The following SLC43A2 variants were observed in gnomAD, a reference collection of about 807,000 sequenced individuals.
SLC43A2 encodes solute carrier family 43 member 2, also known as large neutral amino acids transporter small subunit 4.
A neutral mutation model predicts 63.2 loss-of-function variants in SLC43A2; 38 were observed. The ratio of observed to expected loss-of-function variants is 0.60; its 90% CI spans 0.46 to 0.79. The LOEUF is 0.79. Ranked by LOEUF, SLC43A2 falls within the 30% of genes least tolerant of loss-of-function variation. SLC43A2 has a pLI of 0.00. For synonymous variants in SLC43A2, 322 were observed against 331.0 expected (o/e 0.97, Z 0.30); for missense variants, 644 against 756.2 (o/e 0.85, Z 1.74).
chr17:1,591,937 G>A (rs76141883), intron 6 of SLC43A2, among the ~76,000 whole-genome samples: 7 of 152,310 alleles, frequency 4.6e-5, no homozygotes, highest in Non-Finnish European at 7.3e-5. Context: ...CCCCCGACTC[G>A]GAGGCCTTCC....
At position 1,627,885 on chromosome 17, in the gene SLC43A2, G is replaced by GGT; in HGVS notation, c.-12_-11insAC. On this transcript the variant is annotated 5_prime_UTR_variant, in exon 2 of 14. Coordinates refer to ENST00000301335, the MANE Select transcript of SLC43A2 (RefSeq NM_152346.3). ...CAGGGTGGGCGCCATGGTGCGGCGC[G>GGT]GCGCGGCTCCGGCTCCGGCTCCGGC... 6.4e-7 allele frequency: 1 copy of GGT among 1,550,554 alleles called. No homozygotes were observed. Among genetic ancestry groups the GGT allele is most frequent in the South Asian group, 1.2e-5 (1 of 84,122 alleles).
chr17:1,591,735 G>GGGGGGGGT, intron 6 of SLC43A2, 36 bp from the exon 7 acceptor site: 1 of 652,928 alleles, frequency 1.5e-6, no homozygotes, highest in Non-Finnish European at 2.5e-6. Context: ...GGGGGGGGGA[G>GGGGGGGGT]GGGGCAGAGT....
chr17:1,587,032 G>C, intron 9 of SLC43A2: 1 of 1,458,118 alleles, frequency 6.9e-7, no homozygotes, highest in Non-Finnish European at 9.2e-7. Context: ...GTGCTACAGA[G>C]AGATGGGAGA....
In SLC43A2 at chr17:1,575,604, C is replaced by T. The variant is rs774859215; in HGVS notation, c.1710G>A (p.Ter570=). ...NGSSNQEAFV[*] ...GACCGCAGTTCCGAGGCGGCAGCCA[C>T]TACACGAAGGCCTCCTGGTTGGACG... Residue 570 remains the stop codon, a stop_retained_variant, in exon 14 of 14, where the codon TAG becomes TAA. Transcript: ENST00000301335. 6.2e-7 allele frequency: 1 copy of T among 1,614,028 alleles called. No homozygotes were observed. Among genetic ancestry groups the T allele is most frequent in the South Asian group, 1.1e-5 (1 of 91,086 alleles).
At chr17:1,591,729 G>GGGGGGGGGGA in intron 6 of SLC43A2, 30 bp from the exon 7 acceptor site, 2 of 854,772 alleles carry the variant, frequency 2.3e-6, no homozygotes, top group Admixed American at 4.7e-5. Flanking sequence ...CGGGGTGGGG[G>GGGGGGGGGGA]GGGGAGGGGG....
rs2076049644 is a variant in SLC43A2, at chr17:1,583,303, C to T, written c.1251G>A (p.Gln417=). The T allele has an allele frequency of 1.2e-6, 2 of 1,614,076 alleles. No homozygotes were observed. The highest frequency in any genetic ancestry group is 2.7e-5 in the African/African-American group (2 of 74,942). The change falls in exon 11 of 14, where the codon CAG becomes CAA. Residue 417 remains glutamine (Q), a synonymous_variant. Coordinates refer to ENST00000301335, the MANE Select transcript of SLC43A2 (RefSeq NM_152346.3). This position sits in a 1 kb window ranked among gnomAD's most constrained non-coding sequence, Gnocchi z 5.5. The part of the protein sequence containing the change: ...GEKKKKKRDR[Q]IQKITNAMRA... ...GCATGGCATTAGTGATCTTCTGGAT[C>T]TGCCGGTCCCGCTTCTTCTTTTTCT...
chr17:1,591,205 G>A (rs1356509099), intron 8 of SLC43A2, 64 bp downstream of exon 8: 1 of 1,565,620 alleles, frequency 6.4e-7, no homozygotes, highest in Non-Finnish European at 8.6e-7. Context: ...AGGTGGGAAT[G>A]GGGTGAGCCG....
chr17:1,606,942 T>C lies in SLC43A2; in HGVS notation c.501+6253A>G, dbSNP rs2151066497. Among the ~76,000 whole-genome samples the C allele has an allele frequency of 6.6e-6, 1 of 152,324 alleles. No individual in the cohort carries two copies. The highest frequency in any genetic ancestry group is 1.5e-5 in the Non-Finnish European group (1 of 68,010). ...AAATACCACCATGGGTGCCGACCTC[T>C]TGGGCTCTGGAAGGATGGCTCATGG... is the stretch of plus-strand genomic sequence containing the variant. On this transcript the variant is annotated intron_variant, in intron 5 of 13. Transcript: ENST00000301335. The surrounding 1 kb of genome is among the most constrained non-coding windows in gnomAD (Gnocchi z 4.7).
chr17:1,591,038 A>C, intron 8 of SLC43A2, 90 bp from the exon 9 acceptor site: 12 of 1,436,178 alleles, frequency 8.4e-6, no homozygotes, highest in Non-Finnish European at 1.1e-5. Flanking sequence ...GGAGGCCAGG[A>C]GGGGGCCCTC....
intron 2 of SLC43A2, among the ~76,000 whole-genome samples, 180 bp downstream of exon 2, chr17:1,627,535 C>T (rs1311271945): frequency 3.3e-5 from 5 of 152,164 alleles, no homozygotes; most frequent in Middle Eastern, 3.2e-3. Context: ...TGTCTTCGTC[C>T]ACAAAACAGG....
In SLC43A2 at chr17:1,578,661, AGG is replaced by A; in HGVS notation, c.1351-340_1351-339del. 1 of 253,284 alleles carries A rather than the reference AGG, an allele frequency of 3.9e-6. No homozygotes were observed. The highest frequency in any genetic ancestry group is 8.2e-5 in the East Asian group (1 of 12,200). 15.7% of individuals were successfully genotyped at this position (253,284 alleles called of 1,614,324 possible). A position where few individuals can be genotyped will look rare whatever the true frequency, so the allele number is the denominator to read the frequency against. On this transcript the variant is annotated intron_variant, in intron 11 of 13. Transcript: ENST00000301335. The surrounding 1 kb of genome is among the most constrained non-coding windows in gnomAD (Gnocchi z 6.5). ...TCCTGCCTCAGCCTTCGGAGTAGCT[AGG>A]ATTACAGGCCCACGCCACCATGCCC...
At chr17:1,629,042 G>C (rs1908960293), upstream of SLC43A2, among the ~76,000 whole-genome samples, 1 of 152,006 alleles carries the variant, frequency 6.6e-6, no homozygotes, top group African/African-American at 2.4e-5. Context: ...GCTGCGGGCC[G>C]GGCCTCGGCT....
At chr17:1,598,078 G>A (rs1285739584) in intron 5 of SLC43A2, among the ~76,000 whole-genome samples, 2 of 152,322 alleles carry the variant, frequency 1.3e-5, no homozygotes, top group East Asian at 3.9e-4. Flanking sequence ...TTATGCGGAA[G>A]GAGGGAAGTG....
At chr17:1,595,292 A>AAC (rs1905199615) in intron 5 of SLC43A2, among the ~76,000 whole-genome samples, 2 of 150,072 alleles carry the variant, frequency 1.3e-5, no homozygotes, top group Non-Finnish European at 3.0e-5. Flanking sequence ...AAAAAAAAAA[A>AAC]AGAGAGAGAG....
intron 5 of SLC43A2, among the ~76,000 whole-genome samples, chr17:1,595,415 G>A (rs1905211097): frequency 6.6e-6 from 1 of 151,760 alleles, no homozygotes; most frequent in South Asian, 2.1e-4. Flanking sequence ...AAGTCACTGG[G>A]ACAACAGGCC....
At position 1,605,231 on chromosome 17, in the gene SLC43A2, ACTCT is replaced by A. The variant is rs1267044341; in HGVS notation, c.501+7960_501+7963del. ...CCTCAGTCACACAGGGAAGCCCGTG[ACTCT>A]CTCTCTTTCAGCCCCCTGGCTGCAG... On this transcript the variant is annotated intron_variant, in intron 5 of 13. Coordinates refer to ENST00000301335, the MANE Select transcript of SLC43A2 (RefSeq NM_152346.3). The surrounding 1 kb of genome is among the most constrained non-coding windows in gnomAD (Gnocchi z 4.9). 23 of 1,068,182 alleles carry A rather than the reference ACTCT, an allele frequency of 2.2e-5. No homozygotes were observed. The highest frequency in any genetic ancestry group is 5.1e-5 in the Admixed American group (1 of 19,758). 66.2% of individuals were successfully genotyped at this position (1,068,182 alleles called of 1,614,324 possible).
intron 10 of SLC43A2, chr17:1,585,132 C>T (rs925135157): frequency 6.1e-5 from 60 of 986,226 alleles, no homozygotes; most frequent in Non-Finnish European, 7.2e-5. Flanking sequence ...GGTGTAGCCA[C>T]TGCCAAGGGG....
chr17:1,581,202 C>CCACACACACACACACACACACACA (rs376885169), intron 11 of SLC43A2, among the ~76,000 whole-genome samples: 66 of 148,472 alleles, frequency 4.4e-4, no homozygotes, highest in African/African-American at 9.2e-4. Flanking sequence ...TGCCCAGTGC[C>CCACACACACACACACACACACACA]CACACACACA....
rs1408283578 is a variant in SLC43A2 at position 1,578,937 on chromosome 17, C to T, written c.1351-614G>A. On this transcript the variant is annotated intron_variant, in intron 11 of 13. Transcript: ENST00000301335. The surrounding 1 kb of genome is among the most constrained non-coding windows in gnomAD (Gnocchi z 6.5). Reference sequence around the variant, plus strand: ...GGTGGATCACCTGAGGTCAGGAGTTCGAAACCAGCCTGGCCAACATGGCGA... The same window carrying T: ...GGTGGATCACCTGAGGTCAGGAGTTTGAAACCAGCCTGGCCAACATGGCGA... 2.6e-5 allele frequency among the ~76,000 whole-genome samples: 4 copies of T among 151,890 alleles called. No homozygotes were observed. Among genetic ancestry groups the T allele is most frequent in the South Asian group, 2.1e-4 (1 of 4,808 alleles).
Sources: gnomAD v4.1 joint callset for allele counts (sites outside exome capture counted in the v4.1 genomes callset) on GRCh38, gnomAD v4.1.1 for gene constraint, Gnocchi (gnomAD v3.1) non-coding constraint, MANE v1.5 for transcripts, NCBI Gene and HGNC (gene_info 2026-07-23, HGNC 2026-07-21) for gene names.